The following IGLL1 variants were observed in gnomAD, a reference collection of about 807,000 sequenced individuals.
IGLL1 encodes immunoglobulin lambda like polypeptide 1, also known as immunoglobulin lambda-like polypeptide 1.
Under a neutral mutation model 10.5 loss-of-function variants are expected in IGLL1, and 10 were observed. That is an observed-to-expected ratio of 0.95 (90% CI 0.59 to 1.62). The LOEUF is 1.62. Ranked by LOEUF, IGLL1 falls within the 40% of genes most tolerant of loss-of-function variation. The pLI is 0.00. For missense variants in IGLL1, 284 were observed against 278.7 expected, an observed-to-expected ratio of 1.02 and a Z score of -0.14; for synonymous variants, 141 against 122.7, an observed-to-expected ratio of 1.15 and a Z score of -0.99.
chr22:23,579,394 C>T (rs2282474), intron 1 of IGLL1, among the ~76,000 whole-genome samples: 45,604 of 152,048 alleles, frequency 0.3, 11,024 homozygotes, highest in African/African-American at 0.66. Flanking sequence ...TCCTGGGCTT[C>T]TTCTTTGGAG....
chr22:23,576,780 G>A lies in IGLL1; in HGVS notation c.207-1698C>T, dbSNP rs114157199. 9.0e-3 allele frequency among the ~76,000 whole-genome samples: 1,363 copies of A among 152,066 alleles called. 16 individuals carry two copies. The highest frequency in any genetic ancestry group is 0.03 in the African/African-American group (1,245 of 41,472). On this transcript the variant is annotated intron_variant, in intron 1 of 2. Transcript: ENST00000330377. ...ATTTCCACTTTAACTATTTTTAAAC[G>A]TACAGCTCCGTGGCACTAAGTACAT...
chr22:23,580,134 G>A lies in IGLL1; in HGVS notation c.57C>T (p.Asn19=). 1.3e-6 allele frequency: 2 copies of A among 1,559,594 alleles called. No individual in the cohort carries two copies. Among genetic ancestry groups the A allele is most frequent in the Middle Eastern group, 3.6e-4 (2 of 5,492 alleles). The change falls in exon 1 of 3, where the codon AAC becomes AAT. Residue 19 remains asparagine (N), a synonymous_variant. Transcript: ENST00000330377. Reference sequence around the variant, plus strand: ...GCAGCAGGGGCCAGCGCTGCCTGAGGTTGGGGCCTGGCTCACCAGGGGCCT... The same window carrying A: ...GCAGCAGGGGCCAGCGCTGCCTGAGATTGGGGCCTGGCTCACCAGGGGCCT... ...GLEAPGEPGP[N]LRQRWPLLLL... is the part of the protein sequence containing the mutation.
At position 23,575,036 on chromosome 22, in the gene IGLL1, G is replaced by A. The variant is rs369768094; in HGVS notation, c.253C>T (p.Arg85Trp). 139 of 1,613,946 alleles carry A rather than the reference G, an allele frequency of 8.6e-5. No homozygotes were observed. The East Asian group carries it at 1.9e-3, about 23-fold the overall frequency. The change falls in exon 2 of 3, where the codon CGG becomes TGG. Residue 85 changes from arginine (R) to tryptophan (W), a missense_variant. Transcript: ENST00000330377. ...GSWTGPRCWPRGFQSKHNSVT... is the reference protein window; with the variant it reads ...GSWTGPRCWPWGFQSKHNSVT... ...GAGTTATGCTTGGATTGAAACCCCC[G>A]GGGCCAGCACCTGGGGCCAGTCCAG... is the stretch of plus-strand genomic sequence containing the variant.
Position 23,573,355 on chromosome 22 carries a change from G to A in IGLL1, c.553C>T (p.Gln185Ter), listed in dbSNP as rs1569069105. 6.2e-7 allele frequency: 1 copy of A among 1,614,098 alleles called. No homozygotes were observed. ...ASSYLSLTPEQWRSRRSYSCQ... is the reference protein window; with the variant it reads ...ASSYLSLTPE ...CTGTAGCTTCTGCGGGACCTCCACTGCTCGGGCGTCAGGCTCAGGTAGCTG... is the reference window on the plus strand; with the variant it reads ...CTGTAGCTTCTGCGGGACCTCCACTACTCGGGCGTCAGGCTCAGGTAGCTG... The change falls in exon 3 of 3, where the codon CAG (glutamine) becomes TAG (stop). Residue 185 changes from glutamine (Q) to a stop codon, truncating the protein, a stop_gained. Coordinates refer to ENST00000330377, the MANE Select transcript of IGLL1 (RefSeq NM_020070.4). LOFTEE classifies it low-confidence loss of function (END_TRUNC).
chr22:23,574,532 G>T (rs895367863), intron 2 of IGLL1, among the ~76,000 whole-genome samples: 113 of 152,298 alleles, frequency 7.4e-4, no homozygotes, highest in Non-Finnish European at 1.4e-3. Context: ...GGTCTCCCCT[G>T]GGGGTGACCC....
chr22:23,575,149 G>T, intron 1 of IGLL1, 67 bp from the exon 2 acceptor site: 1 of 1,119,902 alleles, frequency 8.9e-7, no homozygotes. Flanking sequence ...GTAGGGGGGT[G>T]GCCAGTGTCC....
In IGLL1 at chr22:23,575,004, C is replaced by G; in HGVS notation, c.285G>C (p.Thr95=). The G allele has an allele frequency of 6.2e-7, 1 of 1,613,958 alleles. No homozygotes were observed. Residue 95 remains threonine, a synonymous_variant, in exon 2 of 3, where the codon ACG becomes ACC. Transcript: ENST00000330377. ...GCTGGGTCCCGCTGCCAAACACATG[C>G]GTCACTGAGTTATGCTTGGATTGAA... ...RGFQSKHNSV[T]HVFGSGTQLT...
chr22:23,573,245 G>C lies in IGLL1; in HGVS notation c.*21C>G. On this transcript the variant is annotated 3_prime_UTR_variant, in exon 3 of 3. Transcript: ENST00000330377. ...GATCCTGCAGCTCCAGGCCCCTTTGGGTGGGGTCGGGGCTGGGAACCTATG... is the reference window on the plus strand; with the variant it reads ...GATCCTGCAGCTCCAGGCCCCTTTGCGTGGGGTCGGGGCTGGGAACCTATG... The C allele has an allele frequency of 6.2e-7, 1 of 1,611,120 alleles. No individual in the cohort carries two copies. Among genetic ancestry groups the C allele is most frequent in the African/African-American group, 1.3e-5 (1 of 74,958 alleles).
Position 23,580,217 on chromosome 22 carries a change from G to C in IGLL1, c.-27C>G. ...GGCCCTCAGGGTCAGAGGTCCTTGTGGCCTGACTTGCAGTGTGGGCTCCCT... is the reference window on the plus strand; with the variant it reads ...GGCCCTCAGGGTCAGAGGTCCTTGTCGCCTGACTTGCAGTGTGGGCTCCCT... On this transcript the variant is annotated 5_prime_UTR_variant, in exon 1 of 3. Coordinates refer to ENST00000330377, the MANE Select transcript of IGLL1 (RefSeq NM_020070.4). 1 of 1,535,728 alleles carries C rather than the reference G, an allele frequency of 6.5e-7. No individual in the cohort carries two copies. The highest frequency in any genetic ancestry group is 8.7e-7 in the Non-Finnish European group (1 of 1,146,670).
chr22:23,574,786 A>G (rs1278350009), intron 2 of IGLL1, among the ~76,000 whole-genome samples, 181 bp downstream of exon 2: 1 of 151,938 alleles, frequency 6.6e-6, no homozygotes, highest in African/African-American at 2.4e-5. Context: ...GGCTGCTCCC[A>G]CTGTGGGGGC....
At chr22:23,577,927 C>T (rs1294989817) in intron 1 of IGLL1, among the ~76,000 whole-genome samples, 1 of 149,624 alleles carries the variant, frequency 6.7e-6, no homozygotes, top group Non-Finnish European at 1.5e-5. Context: ...TTCTGTCGTC[C>T]AGGCTGGAGT....
rs146980954 is a variant in IGLL1 at position 23,575,048 on chromosome 22, T to C, written c.241A>G (p.Arg81Gly). 81 of 1,613,476 alleles carry C rather than the reference T, an allele frequency of 5.0e-5. No homozygotes were observed. Among genetic ancestry groups the C allele is most frequent in the African/African-American group, 1.7e-4 (13 of 74,976 alleles). ...GATTGAAACCCCCGGGGCCAGCACC[T>C]GGGGCCAGTCCAGGAGCCGCGCTGG... The part of the protein sequence containing the change: ...LLQRGSWTGP[R>G]CWPRGFQSKH... Residue 81 changes from arginine to glycine, a missense_variant, in exon 2 of 3, where the codon AGG becomes GGG. By Grantham distance (125) the Arg-to-Gly change is moderately radical. Transcript: ENST00000330377.
intron 2 of IGLL1, among the ~76,000 whole-genome samples, 177 bp from the exon 3 acceptor site, chr22:23,573,762 C>T (rs889168311): frequency 2.0e-5 from 3 of 152,062 alleles, no homozygotes; most frequent in African/African-American, 7.2e-5. Context: ...GAGCAGACAG[C>T]CCTGTGCCTT....
chr22:23,580,111 A>G lies in IGLL1; in HGVS notation c.80T>C (p.Leu27Pro). ...GPNLRQRWPL[L>P]LLGLAVVTHG... is the part of the protein sequence containing the mutation. Reference sequence around the variant, plus strand: ...GGTTACCACGGCCAGACCCAGCAGCAGCAGGGGCCAGCGCTGCCTGAGGTT... The same window carrying G: ...GGTTACCACGGCCAGACCCAGCAGCGGCAGGGGCCAGCGCTGCCTGAGGTT... The change falls in exon 1 of 3, where the codon CTG (leucine) becomes CCG (proline). Residue 27 changes from leucine (L) to proline (P), a missense_variant. Physicochemically the swap from Leu to Pro is moderately conservative, Grantham distance 98. Transcript: ENST00000330377. 1 of 1,567,722 alleles carries G rather than the reference A, an allele frequency of 6.4e-7. No homozygotes were observed. The highest frequency in any genetic ancestry group is 1.2e-5 in the South Asian group (1 of 85,608).
At chr22:23,574,104 C>T (rs1486377080) in intron 2 of IGLL1, among the ~76,000 whole-genome samples, 10 of 149,494 alleles carry the variant, frequency 6.7e-5, no homozygotes, top group East Asian at 1.9e-4. Flanking sequence ...CCCACCAGCC[C>T]GACCACAGGA....
At chr22:23,576,094 G>A (rs1925045941) in intron 1 of IGLL1, among the ~76,000 whole-genome samples, 1 of 152,058 alleles carries the variant, frequency 6.6e-6, no homozygotes. Flanking sequence ...CCCAACAGGA[G>A]CCTCAAACTA....
intron 2 of IGLL1, 92 bp downstream of exon 2, chr22:23,574,875 G>T: frequency 1.2e-6 from 1 of 860,488 alleles, no homozygotes; most frequent in Non-Finnish European, 1.9e-6. Flanking sequence ...CTTAAGGCTG[G>T]GAGGGCAGAG....
chr22:23,577,388 A>C (rs763217810), intron 1 of IGLL1, among the ~76,000 whole-genome samples: 8 of 152,198 alleles, frequency 5.3e-5, no homozygotes, highest in Non-Finnish European at 1.0e-4. Flanking sequence ...AAAATAAATA[A>C]AACAAATAAA....
Position 23,574,954 on chromosome 22 carries a change from T to G in IGLL1, c.322+13A>C. 6.4e-7 allele frequency: 1 copy of G among 1,564,344 alleles called. No individual in the cohort carries two copies. Among genetic ancestry groups the G allele is most frequent in the South Asian group, 1.1e-5 (1 of 90,088 alleles). ...GAGAGGGTGGGACAGCCTGGGAAGT[T>G]AGAGCCACTTACTTAAAACGGTGAG... is the stretch of plus-strand genomic sequence containing the variant. On this transcript the variant is annotated intron_variant, in intron 2 of 2. Coordinates refer to ENST00000330377, the MANE Select transcript of IGLL1 (RefSeq NM_020070.4).
Sources: allele counts gnomAD v4.1 joint callset (sites outside exome capture counted in the v4.1 genomes callset), GRCh38; gene constraint gnomAD v4.1.1; transcripts MANE v1.5; gene names NCBI Gene and HGNC (gene_info 2026-07-23, HGNC 2026-07-21).